FGD3: variants seen among roughly 807,000 people sequenced by gnomAD.
FGD3 encodes FYVE, RhoGEF and PH domain containing 3.
A neutral mutation model predicts 71.8 loss-of-function variants in FGD3; 45 were observed. That is an observed-to-expected ratio of 0.63 (90% confidence interval 0.49 to 0.80). The LOEUF (loss-of-function observed/expected upper bound fraction) is 0.80, where lower values mean the gene tolerates loss of function less well. FGD3 is among the 30% of genes least tolerant of loss of function. The pLI is 0.00. For missense variants in FGD3, 844 were observed against 951.5 expected, an observed-to-expected ratio of 0.89 and a Z score of 1.49; for synonymous variants, 378 against 392.8, an observed-to-expected ratio of 0.96 and a Z score of 0.44.
chr9:92,998,687 C>T (rs895565462), intron 3 of FGD3, among the ~76,000 whole-genome samples: 5 of 152,176 alleles, frequency 3.3e-5, no homozygotes, highest in Admixed American at 1.3e-4. Context: ...TGTTAGTTTT[C>T]TGTCTAACAG....
At chr9:92,965,099 C>T (rs1383511875) in intron 1 of FGD3, among the ~76,000 whole-genome samples, 1 of 152,180 alleles carries the variant, frequency 6.6e-6, no homozygotes, top group African/African-American at 2.4e-5. Context: ...AGGGTCCCAG[C>T]GGCAGTGGCG....
intron 5 of FGD3, 40 bp downstream of exon 5, chr9:93,004,177 G>C (rs374509426): frequency 6.2e-7 from 1 of 1,609,230 alleles, no homozygotes; most frequent in African/African-American, 1.3e-5. Context: ...CCCCTCAAGT[G>C]TTCTCTAGAC....
rs374161458 is a variant in FGD3 at position 93,010,228 on chromosome 9, C to T, written c.838-18C>T. The T allele has an allele frequency of 6.3e-7, 1 of 1,593,672 alleles. No individual in the cohort carries two copies. Among genetic ancestry groups the T allele is most frequent in the African/African-American group, 1.3e-5 (1 of 74,560 alleles). On this transcript the variant is annotated intron_variant, in intron 6 of 17. Coordinates refer to ENST00000375482, the MANE Select transcript of FGD3 (RefSeq NM_001083536.2). The stretch of plus-strand genomic sequence containing the variant: ...ACACGTGTCCTTGGAGTGCCCAATG[C>T]TCCCTCTGTCCCCACAGAAGCAGGA...
At chr9:93,019,605 G>C (rs911175396) in intron 11 of FGD3, among the ~76,000 whole-genome samples, 4 of 152,132 alleles carry the variant, frequency 2.6e-5, no homozygotes, top group African/African-American at 9.7e-5. Context: ...GACCCATTAT[G>C]GTCCAAGGAG....
At chr9:93,023,256 C>G (rs1442089972) in intron 14 of FGD3, among the ~76,000 whole-genome samples, 1 of 152,180 alleles carries the variant, frequency 6.6e-6, no homozygotes, top group African/African-American at 2.4e-5. Flanking sequence ...GGTGGGCTGG[C>G]CGCTGGCTGC....
chr9:92,965,100 G>A (rs956275107), intron 1 of FGD3, among the ~76,000 whole-genome samples: 1 of 152,188 alleles, frequency 6.6e-6, no homozygotes, highest in African/African-American at 2.4e-5. Flanking sequence ...GGGTCCCAGC[G>A]GCAGTGGCGG....
At position 93,015,751 on chromosome 9, in the gene FGD3, C is replaced by T. The variant is rs369657135; in HGVS notation, c.1197C>T (p.Ile399=). ...DRHLFLFNSM[I]LYCVPKLRLM... is the part of the protein sequence containing the mutation. ...CCCTCTTGCAGTTCAACAGCATGATCCTTTACTGTGTGCCCAAGCTGCGGC... is the reference window on the plus strand; with the variant it reads ...CCCTCTTGCAGTTCAACAGCATGATTCTTTACTGTGTGCCCAAGCTGCGGC... Residue 399 remains isoleucine (I), a synonymous_variant, in exon 10 of 18, where the codon ATC becomes ATT. Coordinates refer to ENST00000375482, the MANE Select transcript of FGD3 (RefSeq NM_001083536.2). The T allele has an allele frequency of 6.2e-7, 1 of 1,614,094 alleles. No individual in the cohort carries two copies. Among genetic ancestry groups the T allele is most frequent in the Non-Finnish European group, 8.5e-7 (1 of 1,180,042 alleles).
At chr9:92,999,563 C>T (rs961083739) in intron 3 of FGD3, among the ~76,000 whole-genome samples, 40 of 148,606 alleles carry the variant, frequency 2.7e-4, no homozygotes, top group African/African-American at 9.2e-4. Flanking sequence ...CAGACTGGAG[C>T]TTTTCCTATT....
At chr9:92,959,802 G>A (rs566137756) in intron 1 of FGD3, among the ~76,000 whole-genome samples, 35 of 151,312 alleles carry the variant, frequency 2.3e-4, no homozygotes, top group Non-Finnish European at 4.6e-4. Context: ...TGGCTGAAGC[G>A]AGTGTCCCTT....
intron 3 of FGD3, among the ~76,000 whole-genome samples, chr9:92,989,383 C>T (rs1040975908): frequency 2.0e-5 from 3 of 152,184 alleles, no homozygotes; most frequent in Non-Finnish European, 4.4e-5. Flanking sequence ...ACCTTGGCCT[C>T]CCAAAGTGAT....
At chr9:92,964,866 G>T (rs968878775) in intron 1 of FGD3, among the ~76,000 whole-genome samples, 1 of 152,190 alleles carries the variant, frequency 6.6e-6, no homozygotes, top group East Asian at 1.9e-4. Flanking sequence ...AACAGAGGAG[G>T]GTGGTCCCAG....
At chr9:92,985,841 G>A (rs950931543) in intron 3 of FGD3, among the ~76,000 whole-genome samples, 9 of 152,268 alleles carry the variant, frequency 5.9e-5, no homozygotes, top group Admixed American at 3.9e-4. Flanking sequence ...ACATCTGAGG[G>A]GTGTGTCCTG....
chr9:92,950,696 C>G (rs2118491368), intron 1 of FGD3, among the ~76,000 whole-genome samples: 1 of 152,332 alleles, frequency 6.6e-6, no homozygotes, highest in Admixed American at 6.5e-5. Context: ...CTTCTGACCC[C>G]TGGTAGGGCC....
chr9:93,021,177 C>T (rs1223218316), intron 13 of FGD3, among the ~76,000 whole-genome samples: 2 of 152,194 alleles, frequency 1.3e-5, no homozygotes, highest in African/African-American at 2.4e-5. Flanking sequence ...GTTTGTATTT[C>T]CCTCCCAGTG....
At chr9:93,028,351 AAAAG>A (rs200925080) in intron 14 of FGD3, among the ~76,000 whole-genome samples, 20,257 of 146,952 alleles carry the variant, frequency 0.14, 1,424 homozygotes, top group South Asian at 0.17. Context: ...AAAAAAAAAA[AAAAG>A]AAAGAAAAAC....
At position 92,976,436 on chromosome 9, in the gene FGD3, C is replaced by T. The variant is rs779353119; in HGVS notation, c.180C>T (p.Gly60=). Residue 60 remains glycine (G), a synonymous_variant, in exon 3 of 18, where the codon GGC becomes GGT. Transcript: ENST00000375482. ...CAGGGGACGGCTCTCCAGACATAGGCCCCACGGGAGAGCTGAGTGGTAGCT... is the reference window on the plus strand; with the variant it reads ...CAGGGGACGGCTCTCCAGACATAGGTCCCACGGGAGAGCTGAGTGGTAGCT... ...AAAGDGSPDI[G]PTGELSGSLK... The T allele has an allele frequency of 6.2e-7, 1 of 1,611,758 alleles. No homozygotes were observed. The highest frequency in any genetic ancestry group is 8.5e-7 in the Non-Finnish European group (1 of 1,179,330).
At chr9:93,023,657 C>G (rs1376548427) in intron 14 of FGD3, among the ~76,000 whole-genome samples, 1 of 152,108 alleles carries the variant, frequency 6.6e-6, no homozygotes, top group East Asian at 1.9e-4. Context: ...CCTGAGATGC[C>G]CTGGGTTCCC....
intron 3 of FGD3, among the ~76,000 whole-genome samples, 169 bp downstream of exon 3, chr9:92,976,878 G>A (rs1390463200): frequency 6.6e-6 from 1 of 152,140 alleles, no homozygotes; most frequent in African/African-American, 2.4e-5. Context: ...AGAAAAGCCT[G>A]AGGGAAAAAT....
At chr9:92,957,264 G>C (rs79364141) in intron 1 of FGD3, among the ~76,000 whole-genome samples, 2,850 of 152,290 alleles carry the variant, frequency 0.019, 99 homozygotes, top group African/African-American at 0.064. Flanking sequence ...TTAACTTTGT[G>C]AGAAAATGCC....
Sources: allele counts gnomAD v4.1 joint callset (sites outside exome capture counted in the v4.1 genomes callset), GRCh38; gene constraint gnomAD v4.1.1; transcripts MANE v1.5; gene names NCBI Gene and HGNC (gene_info 2026-07-23, HGNC 2026-07-21).